Variants in RNF13 observed in about 807,000 individuals in gnomAD.
The protein encoded by RNF13 is ring finger protein 13.
In RNF13, 19 loss-of-function variants were observed where a neutral mutation model predicts 37.7. That is an observed-to-expected ratio of 0.50 (90% CI 0.35 to 0.74). The LOEUF (loss-of-function observed/expected upper bound fraction) is 0.74. Ranked by LOEUF, RNF13 falls within the 30% of genes least tolerant of loss-of-function variation. RNF13 has a pLI of 0.01. For synonymous variants in RNF13, 144 were observed against 157.8 expected (o/e 0.91, Z 0.65); for missense variants, 375 against 453.0 (o/e 0.83, Z 1.56).
At chr3:149,909,355 AC>A (rs1302459245) in intron 6 of RNF13, among the ~76,000 whole-genome samples, 5 of 151,152 alleles carry the variant, frequency 3.3e-5, no homozygotes, top group Middle Eastern at 3.4e-3. Context: ...GCTCACTGCA[AC>A]CTCCGCCTCC....
At chr3:149,824,694 A>G (rs563876780) in intron 1 of RNF13, among the ~76,000 whole-genome samples, 84 of 152,078 alleles carry the variant, frequency 5.5e-4, no homozygotes, top group African/African-American at 2.0e-3. Context: ...ATACACACAA[A>G]TATAGTTAGG....
At chr3:149,936,015 T>C (rs151292760) in intron 8 of RNF13, among the ~76,000 whole-genome samples, 40 of 152,118 alleles carry the variant, frequency 2.6e-4, no homozygotes, top group Middle Eastern at 3.4e-3. Context: ...GACACTGTTC[T>C]CAGTTGGCAG....
chr3:149,922,646 G>A (rs1277875247), intron 8 of RNF13, among the ~76,000 whole-genome samples: 4 of 152,104 alleles, frequency 2.6e-5, no homozygotes, highest in African/African-American at 4.8e-5. Flanking sequence ...ACATAGGTAG[G>A]TAGCTGTTAT....
intron 6 of RNF13, among the ~76,000 whole-genome samples, chr3:149,902,889 C>T (rs954140999): frequency 5.3e-5 from 8 of 152,196 alleles, no homozygotes; most frequent in African/African-American, 1.9e-4. Flanking sequence ...GCTGGGCACT[C>T]ATGAAAGCAA....
chr3:149,938,975 G>A (rs1439711089), intron 8 of RNF13: 3 of 454,786 alleles, frequency 6.6e-6, no homozygotes, highest in Non-Finnish European at 4.2e-6. Flanking sequence ...TTAACAAATT[G>A]TTTAAACTAT....
chr3:149,913,243 C>G (rs1382867784), intron 7 of RNF13, among the ~76,000 whole-genome samples: 2 of 151,866 alleles, frequency 1.3e-5, no homozygotes, highest in East Asian at 3.9e-4. Flanking sequence ...ACTTATTACA[C>G]ATATAGTAAG....
chr3:149,902,026 A>G (rs753611412), intron 5 of RNF13, 46 bp from the exon 6 acceptor site: 3 of 855,254 alleles, frequency 3.5e-6, no homozygotes, highest in Admixed American at 6.0e-5. Flanking sequence ...TTGATTATAC[A>G]CTAAATATGG....
intron 4 of RNF13, among the ~76,000 whole-genome samples, chr3:149,879,505 G>T (rs1576811337): frequency 6.6e-6 from 1 of 151,808 alleles, no homozygotes; most frequent in South Asian, 2.1e-4. Flanking sequence ...AGGGGGTCTT[G>T]TTATGTTGCT....
At chr3:149,882,669 G>T (rs1713563981) in intron 4 of RNF13, among the ~76,000 whole-genome samples, 1 of 152,094 alleles carries the variant, frequency 6.6e-6, no homozygotes, top group Non-Finnish European at 1.5e-5. Flanking sequence ...ATTGTGCTAT[G>T]CACTTACCTT....
At chr3:149,900,323 A>G (rs1417898566) in intron 5 of RNF13, among the ~76,000 whole-genome samples, 1 of 152,238 alleles carries the variant, frequency 6.6e-6, no homozygotes, top group Non-Finnish European at 1.5e-5. Context: ...AAATAAAATA[A>G]GCTTTAAACT....
intron 1 of RNF13, among the ~76,000 whole-genome samples, chr3:149,834,171 G>T (rs1453242536): frequency 6.6e-6 from 1 of 152,150 alleles, no homozygotes; most frequent in African/African-American, 2.4e-5. Flanking sequence ...ATACTGTTAA[G>T]ATGTCAGTAC....
At position 149,961,574 on chromosome 3, in the gene RNF13, T is replaced by G. The variant is rs1215217037; in HGVS notation, c.*470T>G. The stretch of plus-strand genomic sequence containing the variant: ...CATTAGGGAGAGGCAACAAGGTAAT[T>G]CAGCCTTTCCTCCTATCAGCACAAA... On this transcript the variant is annotated 3_prime_UTR_variant, in exon 10 of 10. Transcript: ENST00000392894. 8 of 312,272 alleles carry G rather than the reference T, an allele frequency of 2.6e-5. No individual in the cohort carries two copies. Among genetic ancestry groups the G allele is most frequent in the South Asian group, 1.4e-4 (5 of 36,648 alleles). The allele number at this position is 312,272 out of a possible 1,614,324, so 19.3% of individuals were successfully genotyped here. A position where few individuals can be genotyped will look rare whatever the true frequency, so the allele number is the denominator to read the frequency against.
intron 8 of RNF13, among the ~76,000 whole-genome samples, chr3:149,926,357 G>A (rs1017837758): frequency 8.6e-5 from 13 of 151,942 alleles, no homozygotes; most frequent in East Asian, 3.9e-4. Flanking sequence ...GACTACAGGC[G>A]CCCGCCACCA....
intron 4 of RNF13, among the ~76,000 whole-genome samples, chr3:149,889,522 C>A (rs1341744934): frequency 6.7e-6 from 1 of 149,736 alleles, no homozygotes; most frequent in East Asian, 2.0e-4. Context: ...CCAGGATGGT[C>A]TTTATCTCTT....
intron 8 of RNF13, among the ~76,000 whole-genome samples, chr3:149,933,384 C>T (rs910409293): frequency 2.0e-5 from 3 of 151,828 alleles, no homozygotes; most frequent in Non-Finnish European, 4.4e-5. Context: ...TGCACACTTA[C>T]AGCCTTAATA....
intron 1 of RNF13, among the ~76,000 whole-genome samples, chr3:149,820,539 ATACT>A (rs1298110792): frequency 6.6e-6 from 1 of 152,220 alleles, no homozygotes; most frequent in Non-Finnish European, 1.5e-5. Context: ...CTTTATTTGC[ATACT>A]TACTATGTTT....
intron 3 of RNF13, among the ~76,000 whole-genome samples, chr3:149,870,684 G>A (rs1711931342): frequency 6.6e-6 from 1 of 151,914 alleles, no homozygotes; most frequent in Non-Finnish European, 1.5e-5. Context: ...GACCACAGTT[G>A]TACTTCGTTG....
chr3:149,884,914 ACTC>A (rs1713850445), intron 4 of RNF13, among the ~76,000 whole-genome samples: 1 of 149,226 alleles, frequency 6.7e-6, no homozygotes, highest in South Asian at 2.1e-4. Context: ...CCACTACACT[ACTC>A]TCTTATCTCC....
rs543480128 is a variant in RNF13, at chr3:149,921,973, CTTG to C, written c.700+749_700+751del. Among the ~76,000 whole-genome samples, 11 of 152,058 alleles carry C rather than the reference CTTG, an allele frequency of 7.2e-5. No individual in the cohort carries two copies. In the South Asian group the frequency reaches 2.1e-3, roughly 29 times the overall value. ...CTCTCCAGCATCTGTTGTTTCCTGA[CTTG>C]TTTTTTTTTTCTTTTGAGACGGAGT... On this transcript the variant is annotated intron_variant, in intron 8 of 9. Coordinates refer to ENST00000392894, the MANE Select transcript of RNF13 (RefSeq NM_183381.3).
Sources: allele counts gnomAD v4.1 joint callset (sites outside exome capture counted in the v4.1 genomes callset), GRCh38; gene constraint gnomAD v4.1.1; transcripts MANE v1.5; gene names NCBI Gene and HGNC (gene_info 2026-07-23, HGNC 2026-07-21).